OSBP2: variants seen among roughly 807,000 people sequenced by gnomAD.
OSBP2 encodes the protein oxysterol binding protein 2.
OSBP2 carries 66 observed loss-of-function variants against 96.0 expected under a neutral mutation model. That is an observed-to-expected ratio of 0.69 (90% confidence interval 0.56 to 0.84). The LOEUF (loss-of-function observed/expected upper bound fraction) is 0.84, where lower values mean the gene tolerates loss of function less well. Among genes scored for constraint, OSBP2 ranks in the 40% least tolerant of loss-of-function variants. The pLI is 0.00. For missense variants in OSBP2, 1,038 were observed against 1,222.7 expected (o/e 0.85, Z 2.25); for synonymous variants, 525 against 520.9 (o/e 1.01, Z -0.11).
intron 2 of OSBP2, among the ~76,000 whole-genome samples, chr22:30,851,868 A>G (rs2038984666): frequency 6.6e-6 from 1 of 152,094 alleles, no homozygotes; most frequent in African/African-American, 2.4e-5. Context: ...CGGAAGGGTT[A>G]TTGAATTTTC....
intron 2 of OSBP2, among the ~76,000 whole-genome samples, chr22:30,843,449 C>A (rs987996321): frequency 7.9e-6 from 1 of 127,066 alleles, no homozygotes; most frequent in East Asian, 2.1e-4. Context: ...ATCTTTCCCC[C>A]CTCCCCCTTG....
chr22:30,804,674 G>A (rs1221721819), intron 2 of OSBP2, among the ~76,000 whole-genome samples: 1 of 152,172 alleles, frequency 6.6e-6, no homozygotes, highest in Non-Finnish European at 1.5e-5. Context: ...TAATAACTGC[G>A]CATCTGACAT....
intron 2 of OSBP2, among the ~76,000 whole-genome samples, chr22:30,832,935 A>G (rs1250825964): frequency 6.6e-6 from 1 of 152,214 alleles, no homozygotes; most frequent in Non-Finnish European, 1.5e-5. Flanking sequence ...AGTTTTTAAA[A>G]TGGCCCTTGG....
In OSBP2 at chr22:30,741,287, C is replaced by T. The variant is rs778334834; in HGVS notation, c.771C>T (p.Ser257=). The T allele has an allele frequency of 6.2e-7, 1 of 1,614,016 alleles. No homozygotes were observed. Among genetic ancestry groups the T allele is most frequent in the Non-Finnish European group, 8.5e-7 (1 of 1,180,032 alleles). ...CCAGGAGCTACCACCTCAAGGCCAG[C>T]TCAGAGGTGGACCGGCAGCAGTGGA... ...SGARSYHLKA[S]SEVDRQQWIT... is the part of the protein sequence containing the mutation. Residue 257 remains serine, a synonymous_variant, in exon 2 of 14, where the codon AGC becomes AGT. Coordinates refer to ENST00000332585, the MANE Select transcript of OSBP2 (RefSeq NM_030758.4).
chr22:30,883,829 A>G (rs1427248616), intron 3 of OSBP2, among the ~76,000 whole-genome samples: 1 of 152,182 alleles, frequency 6.6e-6, no homozygotes, highest in Non-Finnish European at 1.5e-5. Context: ...CAAAACCAGC[A>G]AAGAGGTGCC....
intron 2 of OSBP2, among the ~76,000 whole-genome samples, chr22:30,782,589 T>C (rs136303): frequency 0.89 from 136,176 of 152,208 alleles, 61,237 homozygotes; most frequent in East Asian, 1. Flanking sequence ...TGTTGTTGCC[T>C]GCGTCACTAG....
At chr22:30,741,430 G>A in intron 2 of OSBP2, 61 bp downstream of exon 2, 2 of 1,403,880 alleles carry the variant, frequency 1.4e-6, no homozygotes, top group South Asian at 2.6e-5. Context: ...GGAGGAAGTG[G>A]GAATTGCAAG....
intron 3 of OSBP2, among the ~76,000 whole-genome samples, chr22:30,886,699 C>A (rs1302083719): frequency 6.6e-6 from 1 of 152,164 alleles, no homozygotes; most frequent in East Asian, 1.9e-4. Flanking sequence ...ATATATAGGG[C>A]TAAATAAAGC....
chr22:30,905,125 G>A (rs1012674032), intron 12 of OSBP2, among the ~76,000 whole-genome samples: 123 of 141,234 alleles, frequency 8.7e-4, no homozygotes, highest in African/African-American at 3.1e-3. Context: ...GCCACAGAGC[G>A]AGACCCGTCT....
intron 1 of OSBP2, among the ~76,000 whole-genome samples, chr22:30,737,044 C>G (rs1162214037): frequency 6.6e-6 from 1 of 152,162 alleles, no homozygotes; most frequent in Non-Finnish European, 1.5e-5. Flanking sequence ...GAGACGGAGT[C>G]TTGCTCTGTT....
rs759052359 is a variant in OSBP2, at chr22:30,893,822, A to T, written c.2196A>T (p.Thr732=). The change falls in exon 12 of 14, where the codon ACA becomes ACT. Residue 732 remains threonine, a synonymous_variant. Transcript: ENST00000332585. ...GGTCCTGCCAATGTCCACAGGTGAC[A>T]GGAGTGGTGAGTGACAGCCAGGGCA... ...YFSKEAARKV[T]GVVSDSQGKA... The T allele has an allele frequency of 6.3e-7, 1 of 1,594,974 alleles. No homozygotes were observed. The highest frequency in any genetic ancestry group is 8.5e-7 in the Non-Finnish European group (1 of 1,170,472).
At chr22:30,749,854 C>T (rs1050791684) in intron 2 of OSBP2, among the ~76,000 whole-genome samples, 1 of 152,014 alleles carries the variant, frequency 6.6e-6, no homozygotes, top group Non-Finnish European at 1.5e-5. Context: ...GTGATCTGCC[C>T]ACCTCAGCCT....
At chr22:30,864,910 A>G (rs1039910225) in intron 2 of OSBP2, among the ~76,000 whole-genome samples, 1 of 149,606 alleles carries the variant, frequency 6.7e-6, no homozygotes, top group Non-Finnish European at 1.5e-5. Flanking sequence ...CCCCGAAACA[A>G]GCAAGCAAGT....
Position 30,893,618 on chromosome 22 carries a change from C to A in OSBP2, c.2095-20C>A, listed in dbSNP as rs2040003339. On this transcript the variant is annotated intron_variant, in intron 10 of 13. Coordinates refer to ENST00000332585, the MANE Select transcript of OSBP2 (RefSeq NM_030758.4). ...GCATGGCCCGGGGGCTGGCCGCTGA[C>A]CACTGCCCTCCTTCGCCAGTCAGGG... is the stretch of plus-strand genomic sequence containing the variant. 6.2e-7 allele frequency: 1 copy of A among 1,613,398 alleles called. No homozygotes were observed.
chr22:30,886,931 A>C (rs2147147445), intron 3 of OSBP2, among the ~76,000 whole-genome samples: 1 of 152,198 alleles, frequency 6.6e-6, no homozygotes, highest in East Asian at 1.9e-4. Context: ...AAGTGAGAGC[A>C]AGTTTATCAA....
intron 12 of OSBP2, among the ~76,000 whole-genome samples, chr22:30,894,952 C>G (rs2040029302): frequency 6.6e-6 from 1 of 152,120 alleles, no homozygotes; most frequent in Admixed American, 6.5e-5. Flanking sequence ...ACCAGCAGAC[C>G]TGCACAAAAG....
Position 30,712,064 on chromosome 22 carries a change from C to T in OSBP2, c.644+16511C>T, listed in dbSNP as rs1429907988. ...CACAGGATAATGCAAGTGACCCAAACGGAGATCAATGGCAAGTGGGTCCAT... is the reference window on the plus strand; with the variant it reads ...CACAGGATAATGCAAGTGACCCAAATGGAGATCAATGGCAAGTGGGTCCAT... On this transcript the variant is annotated intron_variant, in intron 1 of 13. Transcript: ENST00000332585. 3.3e-5 allele frequency among the ~76,000 whole-genome samples: 5 copies of T among 152,170 alleles called. No individual in the cohort carries two copies. The South Asian group carries it at 6.2e-4, about 19-fold the overall frequency.
chr22:30,871,939 C>T lies in OSBP2; in HGVS notation c.1107+1257C>T, dbSNP rs2039467641. On this transcript the variant is annotated intron_variant, in intron 3 of 13. Coordinates refer to ENST00000332585, the MANE Select transcript of OSBP2 (RefSeq NM_030758.4). This position sits in a 1 kb window ranked among gnomAD's most constrained non-coding sequence, Gnocchi z 4.7. ...CAGGCCTGGAGCACCCAAATGCAGC[C>T]TTGGGAATCCCACCCTGGGGCCTGA... Among the ~76,000 whole-genome samples, 1 of 152,264 alleles carries T rather than the reference C, an allele frequency of 6.6e-6. No homozygotes were observed.
At chr22:30,874,390 A>G (rs1471623809) in intron 3 of OSBP2, among the ~76,000 whole-genome samples, 1 of 152,150 alleles carries the variant, frequency 6.6e-6, no homozygotes, top group East Asian at 1.9e-4. Flanking sequence ...CCAGCCTGGC[A>G]ACAGAGTGAG....
Sources: allele counts gnomAD v4.1 joint callset (sites outside exome capture counted in the v4.1 genomes callset), GRCh38; gene constraint gnomAD v4.1.1; non-coding constraint Gnocchi (gnomAD v3.1); transcripts MANE v1.5; gene names NCBI Gene and HGNC (gene_info 2026-07-23, HGNC 2026-07-21).